DNAH6: variants seen among roughly 807,000 people sequenced by gnomAD.
DNAH6 encodes axonemal beta dynein heavy chain 6.
A neutral mutation model predicts 491.4 loss-of-function variants in DNAH6; 340 were observed. The observed-to-expected ratio is 0.69, with a 90% CI of 0.63 to 0.76. The LOEUF is 0.76. DNAH6 is among the 30% of genes least tolerant of loss of function. The pLI is 0.00. For synonymous variants in DNAH6, 1,603 were observed against 1,686.1 expected, an observed-to-expected ratio of 0.95 and a Z score of 1.21; for missense variants, 4,443 against 4,972.2, an observed-to-expected ratio of 0.89 and a Z score of 3.20.
At chr2:84,570,893 G>A (rs1681762546) in intron 11 of DNAH6, among the ~76,000 whole-genome samples, 7 of 152,142 alleles carry the variant, frequency 4.6e-5, no homozygotes, top group Non-Finnish European at 1.5e-5. Flanking sequence ...GGGAAGGTCT[G>A]CGGCTTCACT....
At chr2:84,753,332 T>G (rs1391500208) in intron 63 of DNAH6, among the ~76,000 whole-genome samples, 3 of 152,216 alleles carry the variant, frequency 2.0e-5, no homozygotes, top group African/African-American at 7.2e-5. Context: ...TGGGCTGTCT[T>G]TTCGCTTTCT....
At chr2:84,779,688 G>A (rs1380092932) in intron 64 of DNAH6, among the ~76,000 whole-genome samples, 3 of 151,988 alleles carry the variant, frequency 2.0e-5, no homozygotes, top group African/African-American at 7.3e-5. Context: ...GTTTTTAGCT[G>A]GTTGCTTTGT....
At chr2:84,486,398 T>C in the DNAH6 span, among the ~76,000 whole-genome samples, 1 of 152,210 alleles carries the variant, frequency 6.6e-6, no homozygotes, top group Non-Finnish European at 1.5e-5. Context: ...TTCCGCCTCC[T>C]CCAGCTTTAC....
At chr2:84,584,304 ATTTG>A (rs576801576) in intron 15 of DNAH6, 54 bp downstream of exon 15, 13 of 1,543,186 alleles carry the variant, frequency 8.4e-6, no homozygotes, top group South Asian at 1.2e-5. Context: ...TTACTATTAC[ATTTG>A]TTTATTAAAG....
At chr2:84,770,616 CA>C (rs1411530297) in intron 64 of DNAH6, among the ~76,000 whole-genome samples, 22 of 151,906 alleles carry the variant, frequency 1.4e-4, no homozygotes, top group Non-Finnish European at 1.0e-4. Context: ...TGTTAAGAAA[CA>C]GAAGAAAATG....
rs1680446911 is a variant in DNAH6, at chr2:84,815,960, C to G, written c.12250C>G (p.Gln4084Glu). The change falls in exon 76 of 77, where the codon CAG (glutamine) becomes GAG (glutamate). Residue 4084 changes from glutamine to glutamate, a missense_variant. By Grantham distance (29) the Gln-to-Glu change is conservative. Coordinates refer to ENST00000389394, the MANE Select transcript of DNAH6 (RefSeq NM_001370.2). Reference sequence around the variant, plus strand: ...GGTGATAGAAGATGCATTGCCCGGACAGATGAATCCAGTGCTGCCTGTGGT... The same window carrying G: ...GGTGATAGAAGATGCATTGCCCGGAGAGATGAATCCAGTGCTGCCTGTGGT... ...EMVIEDALPGQMNPVLPVVHF... is the reference protein window; with the variant it reads ...EMVIEDALPGEMNPVLPVVHF... 1.9e-6 allele frequency: 3 copies of G among 1,551,892 alleles called. No individual in the cohort carries two copies. The Admixed American group carries it at 5.9e-5, about 30-fold the overall frequency.
In DNAH6 at chr2:84,529,173, T is replaced by A; in HGVS notation, c.662+7T>A. The A allele has an allele frequency of 6.6e-7, 1 of 1,518,290 alleles. No homozygotes were observed. The highest frequency in any genetic ancestry group is 8.9e-7 in the Non-Finnish European group (1 of 1,125,246). 94.1% of individuals were successfully genotyped at this position (1,518,290 alleles called of 1,614,324 possible). A position where few individuals can be genotyped will look rare whatever the true frequency, so the allele number is the denominator to read the frequency against. Reference sequence around the variant, plus strand: ...ATGATACATATAATCTAAAGTGAGTTATTTTTTATGATGCAATTTAACATA... The same window carrying A: ...ATGATACATATAATCTAAAGTGAGTAATTTTTTATGATGCAATTTAACATA... On this transcript the variant is annotated splice_region_variant and intron_variant, in intron 4 of 76. Coordinates refer to ENST00000389394, the MANE Select transcript of DNAH6 (RefSeq NM_001370.2).
intron 37 of DNAH6, among the ~76,000 whole-genome samples, chr2:84,662,862 C>A (rs1176725885): frequency 6.6e-6 from 1 of 152,136 alleles, no homozygotes; most frequent in Non-Finnish European, 1.5e-5. Flanking sequence ...CCAGTAGGGG[C>A]CGACTGACAG....
intron 21 of DNAH6, among the ~76,000 whole-genome samples, chr2:84,608,254 G>A (rs961429588): frequency 1.3e-5 from 2 of 152,224 alleles, no homozygotes; most frequent in African/African-American, 4.8e-5. Context: ...TCATCTATAA[G>A]GGTTGGAGTC....
intron 62 of DNAH6, among the ~76,000 whole-genome samples, chr2:84,734,239 G>A (rs995237905): frequency 8.1e-5 from 12 of 148,338 alleles, no homozygotes; most frequent in African/African-American, 2.2e-4. Context: ...TCCGCCTCCC[G>A]GGTTCATTCT....
At chr2:84,513,494 T>C (rs1675411491), upstream of DNAH6, among the ~76,000 whole-genome samples, 1 of 152,184 alleles carries the variant, frequency 6.6e-6, no homozygotes, top group Non-Finnish European at 1.5e-5. Context: ...TTTGCTAATG[T>C]TATTCCCATA....
intron 60 of DNAH6, among the ~76,000 whole-genome samples, chr2:84,726,001 G>A (rs1254208555): frequency 2.0e-5 from 3 of 152,154 alleles, no homozygotes; most frequent in African/African-American, 7.2e-5. Context: ...TGAAATAATT[G>A]TAGGCTTCCT....
At chr2:84,533,203 G>C (rs866513613) in intron 4 of DNAH6, among the ~76,000 whole-genome samples, 22 of 152,148 alleles carry the variant, frequency 1.4e-4, no homozygotes, top group African/African-American at 5.3e-4. Context: ...CTCATTTTTT[G>C]ACTTAGCATT....
In DNAH6 at chr2:84,553,035, G is replaced by T; in HGVS notation, c.1602+1G>T. The T allele has an allele frequency of 6.4e-7, 1 of 1,564,906 alleles. No homozygotes were observed. Among genetic ancestry groups the T allele is most frequent in the South Asian group, 1.2e-5 (1 of 86,300 alleles). On this transcript the variant is annotated splice_donor_variant, in intron 10 of 76. Coordinates refer to ENST00000389394, the MANE Select transcript of DNAH6 (RefSeq NM_001370.2). LOFTEE classifies it high-confidence loss of function. ...TGAGCCTTCTCTGGAAGACTTTCTG[G>T]TGTGTGTTTTTCATGTATTATCCAC... is the stretch of plus-strand genomic sequence containing the variant.
intron 21 of DNAH6, among the ~76,000 whole-genome samples, chr2:84,608,914 C>T (rs562283125): frequency 6.6e-6 from 1 of 152,260 alleles, no homozygotes; most frequent in African/African-American, 2.4e-5. Context: ...TGAGAGTAGC[C>T]ACCTTCATCA....
chr2:84,708,823 C>A (rs925208727), intron 54 of DNAH6, among the ~76,000 whole-genome samples: 3 of 152,186 alleles, frequency 2.0e-5, no homozygotes, highest in Non-Finnish European at 4.4e-5. Context: ...CATATAGACT[C>A]TCCAGGAGCT....
chr2:84,739,964 T>G (rs1410294493), intron 62 of DNAH6, among the ~76,000 whole-genome samples: 2 of 152,162 alleles, frequency 1.3e-5, no homozygotes, highest in Non-Finnish European at 2.9e-5. Flanking sequence ...CTTTTTGTAT[T>G]GCTGGGGTTC....
chr2:84,716,262 A>G (rs1164229385), intron 58 of DNAH6, among the ~76,000 whole-genome samples: 3 of 151,110 alleles, frequency 2.0e-5, no homozygotes, highest in Non-Finnish European at 4.4e-5. Context: ...AATCATCAGA[A>G]TTAGCCAAGA....
In DNAH6 at chr2:84,642,945, C is replaced by T. The variant is rs60053648; in HGVS notation, c.5078+891C>T. On this transcript the variant is annotated intron_variant, in intron 33 of 76. Transcript: ENST00000389394. ...AAGAAAAATAAAAATTTTCATTTTA[C>T]CTTCAATTATGCCATGCTCTTCCAT... Among the ~76,000 whole-genome samples the T allele has an allele frequency of 2.5e-3, 380 of 152,198 alleles. 1 individual carries two copies. The highest frequency in any genetic ancestry group is 0.014 in the Middle Eastern group (4 of 294).
Sources: gnomAD v4.1 joint callset for allele counts (sites outside exome capture counted in the v4.1 genomes callset) on GRCh38, gnomAD v4.1.1 for gene constraint, MANE v1.5 for transcripts, NCBI Gene and HGNC (gene_info 2026-07-23, HGNC 2026-07-21) for gene names.